The following STAU2 variants were observed in gnomAD, a reference collection of about 807,000 sequenced individuals.
The protein encoded by STAU2 is double-stranded RNA-binding protein Staufen homolog 2.
A neutral mutation model predicts 65.9 loss-of-function variants in STAU2; 20 were observed. The ratio of observed to expected loss-of-function variants is 0.30; its 90% CI spans 0.21 to 0.44. The LOEUF (loss-of-function observed/expected upper bound fraction) is 0.44, where lower values mean the gene tolerates loss of function less well. Among genes scored for constraint, STAU2 ranks in the 20% least tolerant of loss-of-function variants. STAU2 has a pLI of 1.00. For missense variants in STAU2, 558 were observed against 683.9 expected (o/e 0.82, Z 2.05); for synonymous variants, 232 against 233.9 (o/e 0.99, Z 0.07).
chr8:73,520,534 C>A (rs1002953654), intron 13 of STAU2, among the ~76,000 whole-genome samples: 1 of 152,160 alleles, frequency 6.6e-6, no homozygotes, highest in Non-Finnish European at 1.5e-5. Context: ...CTACTTCACC[C>A]CAAGCATTTA....
chr8:73,598,594 T>G (rs780819377), intron 10 of STAU2, among the ~76,000 whole-genome samples: 1 of 152,146 alleles, frequency 6.6e-6, no homozygotes, highest in Non-Finnish European at 1.5e-5. Flanking sequence ...CAGGAAACAC[T>G]GTACTTAATG....
rs117391748 is a variant in STAU2, at chr8:73,457,032, C to A, written c.1531-34330G>T. 9.9e-5 allele frequency among the ~76,000 whole-genome samples: 15 copies of A among 152,270 alleles called. No individual in the cohort carries two copies. In the East Asian group the frequency reaches 2.5e-3, roughly 25 times the overall value. ...ACATCTTTAACTTGCATTGGGAATTCTTTGAAGTTGAGTTTTCCTCAGGAC... is the reference window on the plus strand; with the variant it reads ...ACATCTTTAACTTGCATTGGGAATTATTTGAAGTTGAGTTTTCCTCAGGAC... On this transcript the variant is annotated intron_variant, in intron 13 of 14. Coordinates refer to ENST00000524300, the MANE Select transcript of STAU2 (RefSeq NM_001164380.2).
Position 73,442,630 on chromosome 8 carries a change from T to G in STAU2, c.1531-19928A>C, listed in dbSNP as rs565610504. 3.9e-5 allele frequency among the ~76,000 whole-genome samples: 6 copies of G among 152,320 alleles called. No homozygotes were observed. The East Asian group carries it at 5.8e-4, about 15-fold the overall frequency. ...GGAAAAAATTCTGCTAAATTGTTTC[T>G]AGAAACTGCTAGTACTGTTAAGAGG... On this transcript the variant is annotated intron_variant, in intron 13 of 14. Coordinates refer to ENST00000524300, the MANE Select transcript of STAU2 (RefSeq NM_001164380.2).
intron 3 of STAU2, among the ~76,000 whole-genome samples, chr8:73,715,696 C>T (rs560002900): frequency 6.6e-6 from 1 of 152,084 alleles, no homozygotes; most frequent in Admixed American, 6.6e-5. Context: ...AGGATTCATA[C>T]TACAGGAAGA....
chr8:73,694,491 T>C (rs1186667560), intron 4 of STAU2, among the ~76,000 whole-genome samples: 1 of 152,174 alleles, frequency 6.6e-6, no homozygotes, highest in Admixed American at 6.5e-5. Context: ...AGTATGTTCA[T>C]TGGGTAAAGT....
At chr8:73,501,705 G>A (rs1181618950) in intron 13 of STAU2, among the ~76,000 whole-genome samples, 1 of 151,830 alleles carries the variant, frequency 6.6e-6, no homozygotes, top group Non-Finnish European at 1.5e-5. Flanking sequence ...TCAAAATTTT[G>A]GCCTTAATGG....
At chr8:73,727,417 A>T (rs914712387) in intron 3 of STAU2, among the ~76,000 whole-genome samples, 1 of 152,140 alleles carries the variant, frequency 6.6e-6, no homozygotes, top group Non-Finnish European at 1.5e-5. Flanking sequence ...AACAATCTAC[A>T]TTCTGTCTCA....
chr8:73,431,748 G>A lies in STAU2; in HGVS notation c.1531-9046C>T, dbSNP rs546237133. ...TATTTGTTGGCCTTGGTTTGCGCACGCACGCCTGTGTGTGTGTGTGTGCTC... is the reference window on the plus strand; with the variant it reads ...TATTTGTTGGCCTTGGTTTGCGCACACACGCCTGTGTGTGTGTGTGTGCTC... On this transcript the variant is annotated intron_variant, in intron 13 of 14. Coordinates refer to ENST00000524300, the MANE Select transcript of STAU2 (RefSeq NM_001164380.2). Among the ~76,000 whole-genome samples, 8 of 152,264 alleles carry A rather than the reference G, an allele frequency of 5.3e-5. No individual in the cohort carries two copies. The South Asian group carries it at 6.2e-4, about 12-fold the overall frequency.
intron 13 of STAU2, chr8:73,439,659 A>T (rs1258336213): frequency 6.6e-6 from 1 of 152,554 alleles, no homozygotes; most frequent in Non-Finnish European, 1.5e-5. Context: ...GAGCAAGTAC[A>T]AATCTCAATT....
intron 12 of STAU2, among the ~76,000 whole-genome samples, chr8:73,556,959 A>C (rs962894229): frequency 2.6e-5 from 4 of 152,228 alleles, no homozygotes; most frequent in Non-Finnish European, 5.9e-5. Context: ...TGCCAATTTG[A>C]CAAATGGAGT....
At chr8:73,640,075 C>CAA (rs1429174312) in intron 6 of STAU2, among the ~76,000 whole-genome samples, 1 of 152,004 alleles carries the variant, frequency 6.6e-6, no homozygotes, top group African/African-American at 2.4e-5. Flanking sequence ...CTTAGCCTAT[C>CAA]AAAGTCAACT....
intron 11 of STAU2, among the ~76,000 whole-genome samples, chr8:73,587,775 T>C (rs950562822): frequency 1.3e-5 from 2 of 152,118 alleles, no homozygotes; most frequent in Non-Finnish European, 2.9e-5. Context: ...ATAGTTACAA[T>C]AGGTGGTAAA....
intron 3 of STAU2, among the ~76,000 whole-genome samples, chr8:73,735,366 AC>A (rs1235590932): frequency 6.6e-6 from 1 of 152,172 alleles, no homozygotes; most frequent in African/African-American, 2.4e-5. Context: ...TCAGACTTGA[AC>A]AGTTTGGGGG....
intron 6 of STAU2, among the ~76,000 whole-genome samples, chr8:73,671,144 T>A (rs1817638751): frequency 6.6e-6 from 1 of 152,128 alleles, no homozygotes; most frequent in African/African-American, 2.4e-5. Flanking sequence ...AAACTACTAC[T>A]TGATGGCCAC....
chr8:73,739,043 C>A (rs1374403786), intron 2 of STAU2, among the ~76,000 whole-genome samples: 1 of 151,840 alleles, frequency 6.6e-6, no homozygotes, highest in East Asian at 1.9e-4. Context: ...ACCAGCCTGG[C>A]CAACATGGTG....
At chr8:73,622,404 C>T (rs1157297389) in intron 6 of STAU2, among the ~76,000 whole-genome samples, 2 of 152,136 alleles carry the variant, frequency 1.3e-5, no homozygotes, top group South Asian at 2.1e-4. Context: ...AGATTACGGG[C>T]GTGAGCCACC....
chr8:73,466,074 T>G (rs527868942), intron 13 of STAU2, among the ~76,000 whole-genome samples: 1 of 152,378 alleles, frequency 6.6e-6, no homozygotes, highest in South Asian at 2.1e-4. Flanking sequence ...CATGCCCAGA[T>G]GCTCTCATCT....
At chr8:73,556,973 A>G (rs1487211220) in intron 12 of STAU2, among the ~76,000 whole-genome samples, 2 of 152,206 alleles carry the variant, frequency 1.3e-5, no homozygotes, top group Non-Finnish European at 2.9e-5. Flanking sequence ...ATGGAGTGTC[A>G]TATTACTGAT....
intron 6 of STAU2, among the ~76,000 whole-genome samples, chr8:73,630,239 C>A (rs1023428020): frequency 1.3e-5 from 2 of 152,240 alleles, no homozygotes; most frequent in Non-Finnish European, 2.9e-5. Flanking sequence ...TGCAGATACG[C>A]AAGGTATGCT....
Sources: allele counts gnomAD v4.1 joint callset (sites outside exome capture counted in the v4.1 genomes callset), GRCh38; gene constraint gnomAD v4.1.1; transcripts MANE v1.5; gene names NCBI Gene and HGNC (gene_info 2026-07-23, HGNC 2026-07-21).